NDUFAF6: variants seen among roughly 807,000 people sequenced by gnomAD.
The protein encoded by NDUFAF6 is NADH:ubiquinone oxidoreductase complex assembly factor 6, also known as NADH dehydrogenase (ubiquinone) complex I, assembly factor 6.
NDUFAF6 carries 45 observed loss-of-function variants against 40.8 expected under a neutral mutation model. The observed-to-expected ratio is 1.10, with a 90% confidence interval of 0.87 to 1.42. The LOEUF is 1.42. Ranked by LOEUF, NDUFAF6 falls within the 40% of genes most tolerant of loss-of-function variation. NDUFAF6 has a pLI of 0.00. For missense variants in NDUFAF6, 435 were observed against 418.5 expected (o/e 1.04, Z -0.34); for synonymous variants, 185 against 155.9 (o/e 1.19, Z -1.39).
In NDUFAF6 at chr8:95,057,955, G is replaced by GCC; in HGVS notation, c.*18_*19insCC. The GCC allele has an allele frequency of 6.7e-7, 1 of 1,496,228 alleles. No homozygotes were observed. The highest frequency in any genetic ancestry group is 9.3e-7 in the Non-Finnish European group (1 of 1,075,818). The allele number at this position is 1,496,228 out of a possible 1,614,324, so 92.7% of individuals were successfully genotyped here. A position where few individuals can be genotyped will look rare whatever the true frequency, so the allele number is the denominator to read the frequency against. On this transcript the variant is annotated 3_prime_UTR_variant, in exon 9 of 9. Transcript: ENST00000396124. ...CATATTAAAATAATTTCATGGCATT[G>GCC]ATGTTAATTCTAGTCTATTAGTTTT...
intron 5 of NDUFAF6, among the ~76,000 whole-genome samples, 173 bp downstream of exon 5, chr8:95,045,820 C>G (rs1443290896): frequency 2.0e-5 from 3 of 151,994 alleles, no homozygotes; most frequent in Middle Eastern, 3.2e-3. Context: ...ATTTATATCT[C>G]TTTCTTTGTA....
At chr8:95,041,697 A>G in intron 4 of NDUFAF6, 71 bp downstream of exon 4, 1 of 1,196,744 alleles carries the variant, frequency 8.4e-7, no homozygotes, top group South Asian at 1.2e-5. Flanking sequence ...TTCAAGAAGG[A>G]CATTTTTTGA....
At chr8:95,014,440 C>T (rs1169386660) in intron 2 of NDUFAF6, among the ~76,000 whole-genome samples, 2 of 152,180 alleles carry the variant, frequency 1.3e-5, no homozygotes, top group African/African-American at 4.8e-5. Context: ...AGGGAGGAGA[C>T]AGGCTAGACC....
Position 94,947,781 on chromosome 8 carries a change from G to A in NDUFAF6, c.-799+2162G>A, listed in dbSNP as rs534776460. 2.0e-5 allele frequency among the ~76,000 whole-genome samples: 3 copies of A among 152,330 alleles called. No individual in the cohort carries two copies. The East Asian group carries it at 5.8e-4, about 29-fold the overall frequency. On this transcript the variant is annotated intron_variant, in intron 2 of 14. Coordinates refer to the NDUFAF6 transcript ENST00000396113. ...GAAAGCAGACATCAGAGGAAGCAAT[G>A]GCAGGAAAGAACAAAAGATAGGATG...
chr8:94,948,731 A>G (rs1822244192), intron 2 of NDUFAF6, among the ~76,000 whole-genome samples: 3 of 152,088 alleles, frequency 2.0e-5, no homozygotes, highest in African/African-American at 4.8e-5. Flanking sequence ...GGGCGGCCCC[A>G]TCCAACGGCC....
intron 4 of NDUFAF6, among the ~76,000 whole-genome samples, chr8:95,113,787 G>T (rs931912644): frequency 1.3e-5 from 2 of 152,244 alleles, no homozygotes; most frequent in East Asian, 3.9e-4. Context: ...GAGAGGTTGC[G>T]GTGAGCTGAG....
intron 1 of NDUFAF6, among the ~76,000 whole-genome samples, chr8:94,914,386 T>A (rs1818988880): frequency 6.6e-6 from 1 of 152,282 alleles, no homozygotes; most frequent in South Asian, 2.1e-4. Flanking sequence ...ACTTACCTGG[T>A]TACTCATGTT....
chr8:94,962,770 G>A (rs1038418326), intron 1 of NDUFAF6, among the ~76,000 whole-genome samples: 1 of 150,138 alleles, frequency 6.7e-6, no homozygotes, highest in Admixed American at 6.7e-5. Context: ...CACTGCACCT[G>A]GCCTCCAAAC....
chr8:94,985,574 C>T (rs1325513850), intron 2 of NDUFAF6, among the ~76,000 whole-genome samples: 15 of 110,894 alleles, frequency 1.4e-4, no homozygotes, highest in Admixed American at 2.3e-4. Context: ...CTCACTCTGT[C>T]GCCCAGGCTG....
chr8:94,936,433 C>A (rs1820984869), intron 1 of NDUFAF6, among the ~76,000 whole-genome samples: 1 of 152,180 alleles, frequency 6.6e-6, no homozygotes, highest in African/African-American at 2.4e-5. Flanking sequence ...TGACAAAGAG[C>A]TGCTTGGTTG....
chr8:95,041,833 G>A (rs911199921), intron 4 of NDUFAF6, among the ~76,000 whole-genome samples: 4 of 152,124 alleles, frequency 2.6e-5, no homozygotes, highest in African/African-American at 9.7e-5. Context: ...GCAGAGGCAT[G>A]TGTATGCACA....
intron 8 of NDUFAF6, among the ~76,000 whole-genome samples, chr8:95,052,455 A>G (rs890434592): frequency 5.3e-5 from 8 of 152,166 alleles, no homozygotes; most frequent in African/African-American, 1.9e-4. Flanking sequence ...TTGCAGCCAG[A>G]TTGCATTGGC....
At chr8:95,096,103 T>A (rs145357083), upstream of NDUFAF6, among the ~76,000 whole-genome samples, 31 of 152,324 alleles carry the variant, frequency 2.0e-4, no homozygotes, top group Non-Finnish European at 4.0e-4. Context: ...TGTTAAGGGG[T>A]CTTTGATACC....
chr8:94,909,522 A>G (rs1300064578), intron 1 of NDUFAF6, among the ~76,000 whole-genome samples: 1 of 151,734 alleles, frequency 6.6e-6, no homozygotes, highest in African/African-American at 2.4e-5. Flanking sequence ...GCTACTTGGG[A>G]GGCTAAGGCT....
chr8:95,076,958 G>A (rs917377045), downstream of NDUFAF6, among the ~76,000 whole-genome samples: 2 of 151,992 alleles, frequency 1.3e-5, no homozygotes, highest in Admixed American at 6.6e-5. Context: ...GTGACCGTAT[G>A]TGGAGACAGG....
intron 7 of NDUFAF6, 144 bp downstream of exon 7, chr8:95,048,702 T>A: frequency 1.4e-6 from 1 of 710,990 alleles, no homozygotes. Flanking sequence ...TCTCGGAGTC[T>A]GTTGTAAACT....
chr8:95,096,366 A>G (rs1180768692), upstream of NDUFAF6, among the ~76,000 whole-genome samples: 1 of 152,088 alleles, frequency 6.6e-6, no homozygotes, highest in East Asian at 1.9e-4. Context: ...CTGCAACATC[A>G]CCTCAATGCC....
At chr8:94,944,068 TTCC>T (rs1821786604) in intron 1 of NDUFAF6, among the ~76,000 whole-genome samples, 1 of 152,256 alleles carries the variant, frequency 6.6e-6, no homozygotes, top group African/African-American at 2.4e-5. Flanking sequence ...TTCAAAATCC[TTCC>T]TCCATTTATT....
chr8:94,951,977 T>C (rs1295725555), intron 2 of NDUFAF6, among the ~76,000 whole-genome samples: 1 of 152,196 alleles, frequency 6.6e-6, no homozygotes, highest in Non-Finnish European at 1.5e-5. Context: ...CCTGGGCAGA[T>C]CCAGTGAATC....
Sources: allele counts gnomAD v4.1 joint callset (sites outside exome capture counted in the v4.1 genomes callset), GRCh38; gene constraint gnomAD v4.1.1; transcripts MANE v1.5; gene names NCBI Gene and HGNC (gene_info 2026-07-23, HGNC 2026-07-21).